The following NAALADL2 variants were observed in gnomAD, a reference collection of about 807,000 sequenced individuals.
NAALADL2 encodes inactive N-acetylated-alpha-linked acidic dipeptidase-like protein 2.
In NAALADL2, 76 loss-of-function variants were observed where a neutral mutation model predicts 87.2. The ratio of observed to expected loss-of-function variants is 0.87; its 90% CI spans 0.72 to 1.05. The LOEUF (loss-of-function observed/expected upper bound fraction) is 1.05. NAALADL2 is among the 50% of genes least tolerant of loss of function. The pLI is 0.00. For missense variants in NAALADL2, 1,089 were observed against 945.8 expected (o/e 1.15, Z -1.99); for synonymous variants, 354 against 331.0 (o/e 1.07, Z -0.75).
intron 6 of NAALADL2, among the ~76,000 whole-genome samples, chr3:175,454,550 C>T (rs572876045): frequency 3.3e-5 from 5 of 152,014 alleles, no homozygotes; most frequent in African/African-American, 7.2e-5. Flanking sequence ...TTGCATCTCA[C>T]GAGGCCATCA....
At chr3:175,658,102 T>TTAGAA (rs1394146703) in intron 11 of NAALADL2, among the ~76,000 whole-genome samples, 6 of 152,258 alleles carry the variant, frequency 3.9e-5, no homozygotes, top group Admixed American at 6.5e-5. Context: ...AATCATTTCA[T>TTAGAA]TATTCTAGAT....
intron 3 of NAALADL2, among the ~76,000 whole-genome samples, chr3:174,751,662 C>CAAAAA (rs35752458): frequency 0.025 from 3,214 of 128,190 alleles, 95 homozygotes; most frequent in Middle Eastern, 0.053. Flanking sequence ...GACTTTGTCT[C>CAAAAA]AAAAAAAAAA....
At chr3:175,602,326 C>T (rs186531266) in intron 10 of NAALADL2, among the ~76,000 whole-genome samples, 3 of 152,034 alleles carry the variant, frequency 2.0e-5, no homozygotes, top group Non-Finnish European at 4.4e-5. Flanking sequence ...TAATTTAAAA[C>T]ATTTGTTGAA....
intron 2 of NAALADL2, among the ~76,000 whole-genome samples, chr3:174,651,671 T>C (rs1325239116): frequency 6.6e-6 from 1 of 152,154 alleles, no homozygotes; most frequent in Admixed American, 6.6e-5. Context: ...ACTGAGATAT[T>C]TTTTCTAACC....
intron 2 of NAALADL2, among the ~76,000 whole-genome samples, chr3:174,611,985 AC>A (rs1719947598): frequency 6.6e-6 from 1 of 151,458 alleles, no homozygotes; most frequent in African/African-American, 2.4e-5. Flanking sequence ...TCTTGTGTTG[AC>A]AAAATCCCTC....
intron 2 of NAALADL2, among the ~76,000 whole-genome samples, chr3:174,677,894 A>C (rs1276088260): frequency 1.3e-5 from 2 of 152,094 alleles, no homozygotes; most frequent in Non-Finnish European, 2.9e-5. Flanking sequence ...AAAAAAAAGA[A>C]AAATGCAAAA....
At chr3:175,585,848 T>G (rs115832292) in intron 10 of NAALADL2, among the ~76,000 whole-genome samples, 2,135 of 152,348 alleles carry the variant, frequency 0.014, 50 homozygotes, top group African/African-American at 0.048. Context: ...CCTTGTTTCC[T>G]AATTTTATTT....
chr3:175,570,493 T>C (rs1394437401), intron 9 of NAALADL2, among the ~76,000 whole-genome samples: 1 of 152,208 alleles, frequency 6.6e-6, no homozygotes, highest in Non-Finnish European at 1.5e-5. Context: ...TAATAATTGG[T>C]ACTTTACTAT....
chr3:175,030,154 T>C (rs758672514), intron 1 of NAALADL2, among the ~76,000 whole-genome samples: 4 of 152,108 alleles, frequency 2.6e-5, no homozygotes, highest in Non-Finnish European at 4.4e-5. Context: ...ATAATTAACA[T>C]GGCCCTAGAG....
intron 1 of NAALADL2, among the ~76,000 whole-genome samples, chr3:174,869,675 C>A (rs560534550): frequency 3.6e-4 from 54 of 151,992 alleles, no homozygotes; most frequent in Admixed American, 3.3e-4. Flanking sequence ...GATCGGCTAG[C>A]CGCAGCTGCA....
At chr3:174,660,946 T>G (rs1337411809) in intron 2 of NAALADL2, among the ~76,000 whole-genome samples, 1 of 152,132 alleles carries the variant, frequency 6.6e-6, no homozygotes, top group African/African-American at 2.4e-5. Flanking sequence ...TATTGAGAAC[T>G]GCCAAGAAAA....
At chr3:174,814,849 G>T (rs1720617090) in intron 3 of NAALADL2, among the ~76,000 whole-genome samples, 1 of 152,072 alleles carries the variant, frequency 6.6e-6, no homozygotes, top group Non-Finnish European at 1.5e-5. Flanking sequence ...TGACCCTTCG[G>T]TTGCAAGCTA....
intron 9 of NAALADL2, among the ~76,000 whole-genome samples, chr3:175,486,317 C>T (rs11915999): frequency 0.092 from 14,016 of 152,046 alleles, 822 homozygotes; most frequent in East Asian, 0.25. Context: ...TTTTCTGGGA[C>T]GGGACAGGCT....
intron 3 of NAALADL2, among the ~76,000 whole-genome samples, chr3:174,755,974 A>G (rs1712003107): frequency 2.6e-5 from 4 of 152,172 alleles, no homozygotes; most frequent in Admixed American, 2.6e-4. Context: ...GTGTTTATTG[A>G]TCTATTTCTT....
chr3:175,439,877 G>A (rs1249740959), intron 5 of NAALADL2, among the ~76,000 whole-genome samples: 2 of 151,822 alleles, frequency 1.3e-5, no homozygotes, highest in Admixed American at 6.6e-5. Flanking sequence ...CTGTACGGAA[G>A]CATTTTAGTT....
At chr3:175,596,096 T>G (rs983014615) in intron 10 of NAALADL2, among the ~76,000 whole-genome samples, 3 of 151,978 alleles carry the variant, frequency 2.0e-5, no homozygotes, top group African/African-American at 7.2e-5. Context: ...AAAAAATAAC[T>G]TCAGCAGTTT....
intron 3 of NAALADL2, among the ~76,000 whole-genome samples, chr3:174,761,099 C>G (rs9866185): frequency 0.49 from 74,444 of 151,902 alleles, 18,982 homozygotes; most frequent in African/African-American, 0.65. Flanking sequence ...ATTCCCTAGT[C>G]TCACATGTCA....
In NAALADL2 at chr3:175,803,625, A is replaced by ATTAACT. The variant is rs1235527226; in HGVS notation, c.*424_*429dup. Reference sequence around the variant, plus strand: ...GAAATGGAGAGTTGATATGGTTCAGATTAACTTCACTATTAAGTGTTCAAT... The same window carrying ATTAACT: ...GAAATGGAGAGTTGATATGGTTCAGATTAACTTTAACTTCACTATTAAGTGTTCAAT... On this transcript the variant is annotated 3_prime_UTR_variant, in exon 14 of 14. Transcript: ENST00000454872. 1 of 154,022 alleles carries ATTAACT rather than the reference A, an allele frequency of 6.5e-6. No individual in the cohort carries two copies. Among genetic ancestry groups the ATTAACT allele is most frequent in the Non-Finnish European group, 1.4e-5 (1 of 69,010 alleles). The allele number at this position is 154,022 out of a possible 1,614,324, so 9.5% of individuals were successfully genotyped here.
At chr3:175,054,051 TC>T (rs1251217031) in intron 1 of NAALADL2, among the ~76,000 whole-genome samples, 1 of 152,226 alleles carries the variant, frequency 6.6e-6, no homozygotes, top group Admixed American at 6.5e-5. Flanking sequence ...CTGTATGAAA[TC>T]GTAACTGAGC....
Sources: gnomAD v4.1 joint callset for allele counts (sites outside exome capture counted in the v4.1 genomes callset) on GRCh38, gnomAD v4.1.1 for gene constraint, MANE v1.5 for transcripts, NCBI Gene and HGNC (gene_info 2026-07-23, HGNC 2026-07-21) for gene names.